The following FBXW7 variants were observed in gnomAD, a reference collection of about 807,000 sequenced individuals.
FBXW7 encodes the protein F-box and WD repeat domain containing 7, also known as F-box/WD repeat-containing protein 7.
A neutral mutation model predicts 86.3 loss-of-function variants in FBXW7; 11 were observed. The observed-to-expected ratio is 0.13, with a 90% confidence interval of 0.08 to 0.21. The LOEUF is 0.21. Among genes scored for constraint, FBXW7 ranks in the 10% least tolerant of loss-of-function variants. The pLI is 1.00. For missense variants in FBXW7, 488 were observed against 847.4 expected (o/e 0.58, Z 5.27); for synonymous variants, 313 against 297.9 (o/e 1.05, Z -0.52).
In FBXW7 at chr4:152,478,227, C is replaced by T. The variant is rs1744593768; in HGVS notation, c.-120+56714G>A. ...AACTCTATACTCATTAAGCAAACTT[C>T]TCATTCCTCCCTCACCCTAGGCCTT... On this transcript the variant is annotated intron_variant, in intron 2 of 13. Transcript: ENST00000281708. 2.0e-5 allele frequency among the ~76,000 whole-genome samples: 3 copies of T among 152,110 alleles called. No homozygotes were observed. The South Asian group carries it at 6.2e-4, about 32-fold the overall frequency.
intron 4 of FBXW7, among the ~76,000 whole-genome samples, chr4:152,354,304 A>G (rs1732152643): frequency 6.6e-6 from 1 of 152,082 alleles, no homozygotes; most frequent in South Asian, 2.1e-4. Context: ...AGCAGAAGTT[A>G]GTTATCTAAA....
chr4:152,367,919 A>G (rs1436954985), intron 4 of FBXW7, among the ~76,000 whole-genome samples: 2 of 152,086 alleles, frequency 1.3e-5, no homozygotes, highest in African/African-American at 2.4e-5. Context: ...ATACTAATAT[A>G]AAGAAGAAAA....
chr4:152,408,085 CA>C (rs2126865036), intron 4 of FBXW7, among the ~76,000 whole-genome samples: 1 of 152,020 alleles, frequency 6.6e-6, no homozygotes, highest in Non-Finnish European at 1.5e-5. Flanking sequence ...ATCTAACAAT[CA>C]AGATGGGAAA....
chr4:152,368,081 A>G (rs1197488419), intron 4 of FBXW7, among the ~76,000 whole-genome samples: 1 of 152,054 alleles, frequency 6.6e-6, no homozygotes, highest in Non-Finnish European at 1.5e-5. Context: ...CTTTCTCAGA[A>G]TGATTTTTAA....
rs144583988 is a variant in FBXW7 at position 152,342,773 on chromosome 4, T to A, written c.726+4157A>T. Among the ~76,000 whole-genome samples, 117 of 152,360 alleles carry A rather than the reference T, an allele frequency of 7.7e-4. 2 individuals carry two copies. In the East Asian group the frequency reaches 0.021, roughly 27 times the overall value. ...CAAAATCTGACTCAAAGAACATAAT[T>A]CAGGTTTTACTTTCTGAAGAAACCA... On this transcript the variant is annotated intron_variant, in intron 6 of 13. Coordinates refer to ENST00000281708, the MANE Select transcript of FBXW7 (RefSeq NM_001349798.2).
At chr4:152,364,821 C>T (rs528195180) in intron 4 of FBXW7, among the ~76,000 whole-genome samples, 1 of 152,266 alleles carries the variant, frequency 6.6e-6, no homozygotes, top group Admixed American at 6.5e-5. Flanking sequence ...CTACCCTACA[C>T]TTTGTCTCAA....
rs775781675 is a variant in FBXW7 at position 152,323,047 on chromosome 4, G to T, written c.1958C>A (p.Thr653Lys). 1.9e-6 allele frequency: 3 copies of T among 1,613,732 alleles called. No individual in the cohort carries two copies. Among genetic ancestry groups the T allele is most frequent in the Non-Finnish European group, 2.5e-6 (3 of 1,179,814 alleles). Residue 653 changes from threonine (T) to lysine (K), a missense_variant, in exon 14 of 14, where the codon ACG becomes AAG. Around this residue, in one of 4 missense-constraint regions of FBXW7, gnomAD observed 142 missense variants for 406.6 expected, o/e 0.35. Coordinates refer to ENST00000281708, the MANE Select transcript of FBXW7 (RefSeq NM_001349798.2). ...GACTAGGTTTCGAATAAATTCACCC[G>T]TTTTCAAGTCCCATAGTTTTACAGT... ...DGTVKLWDLKTGEFIRNLVTL... is the reference protein window; with the variant it reads ...DGTVKLWDLKKGEFIRNLVTL...
chr4:152,469,315 T>C (rs193254411), intron 2 of FBXW7, among the ~76,000 whole-genome samples: 1 of 152,196 alleles, frequency 6.6e-6, no homozygotes, highest in Non-Finnish European at 1.5e-5. Flanking sequence ...AGTACACAGG[T>C]ATAAAATACT....
chr4:152,426,397 T>A (rs1427934124), intron 2 of FBXW7, among the ~76,000 whole-genome samples: 1 of 151,536 alleles, frequency 6.6e-6, no homozygotes, highest in Non-Finnish European at 1.5e-5. Context: ...TTGCCCAGGC[T>A]GGAGTGCAGT....
intron 2 of FBXW7, among the ~76,000 whole-genome samples, chr4:152,424,045 A>G (rs1255402949): frequency 6.6e-6 from 1 of 151,742 alleles, no homozygotes; most frequent in Non-Finnish European, 1.5e-5. Context: ...CTTTTTTTCC[A>G]TTTTTTGCAG....
At chr4:152,486,369 T>C (rs1745339836) in intron 2 of FBXW7, among the ~76,000 whole-genome samples, 1 of 152,238 alleles carries the variant, frequency 6.6e-6, no homozygotes, top group South Asian at 2.1e-4. Flanking sequence ...TTCTGACTTT[T>C]GTAATAACAT....
At chr4:152,526,852 C>T (rs1425462937) in intron 2 of FBXW7, among the ~76,000 whole-genome samples, 1 of 151,938 alleles carries the variant, frequency 6.6e-6, no homozygotes, top group Non-Finnish European at 1.5e-5. Context: ...TCTTTCTTTT[C>T]TATTAAAAAA....
At chr4:152,367,042 C>T (rs910721409) in intron 4 of FBXW7, among the ~76,000 whole-genome samples, 5 of 152,104 alleles carry the variant, frequency 3.3e-5, no homozygotes, top group East Asian at 1.9e-4. Flanking sequence ...AACCAAACAC[C>T]GCATGTTCTC....
At chr4:152,397,694 C>A (rs973740382) in intron 4 of FBXW7, among the ~76,000 whole-genome samples, 9 of 36,598 alleles carry the variant, frequency 2.5e-4, no homozygotes, top group Non-Finnish European at 3.5e-4. Flanking sequence ...CCCTAAGAAG[C>A]CAAAAAAAAA....
At chr4:152,471,399 AGGAG>A (rs1158294720) in intron 2 of FBXW7, among the ~76,000 whole-genome samples, 1 of 138,606 alleles carries the variant, frequency 7.2e-6, no homozygotes, top group Non-Finnish European at 1.6e-5. Context: ...GAAGGAGGGA[AGGAG>A]GGAAGGAAGG....
At chr4:152,464,142 G>A (rs936902689) in intron 2 of FBXW7, among the ~76,000 whole-genome samples, 1 of 152,196 alleles carries the variant, frequency 6.6e-6, no homozygotes, top group African/African-American at 2.4e-5. Flanking sequence ...TTACACTTAA[G>A]AAAGCTGAAC....
At position 152,323,378 on chromosome 4, in the gene FBXW7, A is replaced by C. The variant is rs529403964; in HGVS notation, c.1856-229T>G. 26 of 571,628 alleles carry C rather than the reference A, an allele frequency of 4.5e-5. No homozygotes were observed. In the East Asian group the frequency reaches 7.9e-4, roughly 17 times the overall value. The allele number at this position is 571,628 out of a possible 1,614,324, so 35.4% of individuals were successfully genotyped here. ...ACTTTCAAGAGGTCTGTCTTCCAAGAAGCTTGGTTAGCTACCAGACAAACA... is the reference window on the plus strand; with the variant it reads ...ACTTTCAAGAGGTCTGTCTTCCAAGCAGCTTGGTTAGCTACCAGACAAACA... On this transcript the variant is annotated intron_variant, in intron 13 of 13. Transcript: ENST00000281708.
At chr4:152,339,060 A>T (rs1207404853) in intron 6 of FBXW7, among the ~76,000 whole-genome samples, 1 of 152,206 alleles carries the variant, frequency 6.6e-6, no homozygotes, top group East Asian at 1.9e-4. Context: ...CCCATGTGGA[A>T]TCTACAATGA....
intron 6 of FBXW7, among the ~76,000 whole-genome samples, chr4:152,338,647 T>C (rs1211878031): frequency 6.6e-6 from 1 of 152,040 alleles, no homozygotes; most frequent in Non-Finnish European, 1.5e-5. Context: ...TTAAATGACA[T>C]CAGGGGATTA....
Sources: allele counts gnomAD v4.1 joint callset (sites outside exome capture counted in the v4.1 genomes callset), GRCh38; gene constraint gnomAD v4.1.1; regional missense constraint gnomAD v4.1.1; transcripts MANE v1.5; gene names NCBI Gene and HGNC (gene_info 2026-07-23, HGNC 2026-07-21).